MNAT1: variants seen among roughly 807,000 people sequenced by gnomAD.
MNAT1 encodes CDK-activating kinase assembly factor MAT1.
Under a neutral mutation model 42.0 loss-of-function variants are expected in MNAT1, and 43 were observed. The ratio of observed to expected loss-of-function variants is 1.02; its 90% CI spans 0.80 to 1.32. The LOEUF is 1.32. MNAT1 is among the 40% of genes most tolerant of loss of function. The pLI is 0.00. For synonymous variants in MNAT1, 118 were observed against 120.0 expected, an observed-to-expected ratio of 0.98 and a Z score of 0.11; for missense variants, 306 against 350.4, an observed-to-expected ratio of 0.87 and a Z score of 1.01.
chr14:60,966,158 ACT>A (rs1291287659), intron 7 of MNAT1, among the ~76,000 whole-genome samples: 2 of 151,372 alleles, frequency 1.3e-5, no homozygotes, highest in African/African-American at 4.9e-5. Flanking sequence ...ACAGGGTCTC[ACT>A]CTGTTGCCCA....
intron 7 of MNAT1, among the ~76,000 whole-genome samples, chr14:60,910,110 A>C (rs2035313383): frequency 1.3e-5 from 2 of 152,118 alleles, no homozygotes; most frequent in South Asian, 2.1e-4. Context: ...TTCACTCATG[A>C]TTTGGCTCTC....
At chr14:60,787,643 A>G (rs995645143) in intron 1 of MNAT1, among the ~76,000 whole-genome samples, 1 of 152,140 alleles carries the variant, frequency 6.6e-6, no homozygotes, top group Non-Finnish European at 1.5e-5. Context: ...CAATTCTCAA[A>G]CCTTGCCACA....
chr14:60,840,351 G>A (rs1034115582), intron 6 of MNAT1, among the ~76,000 whole-genome samples: 4 of 152,196 alleles, frequency 2.6e-5, no homozygotes, highest in Admixed American at 2.0e-4. Flanking sequence ...ACGAGGGTGG[G>A]TAAAAGCATC....
At chr14:60,909,242 G>T (rs1171951665) in intron 7 of MNAT1, among the ~76,000 whole-genome samples, 1 of 152,024 alleles carries the variant, frequency 6.6e-6, no homozygotes, top group Non-Finnish European at 1.5e-5. Flanking sequence ...CAGATGAGTA[G>T]GTTGCAAAAA....
At chr14:60,804,792 CAT>C (rs2139340637) in intron 3 of MNAT1, among the ~76,000 whole-genome samples, 1 of 152,258 alleles carries the variant, frequency 6.6e-6, no homozygotes, top group Non-Finnish European at 1.5e-5. Context: ...ATCCAGAACT[CAT>C]AAAGTTTTTG....
intron 7 of MNAT1, among the ~76,000 whole-genome samples, chr14:60,962,300 A>G (rs1408440833): frequency 6.6e-6 from 1 of 152,134 alleles, no homozygotes; most frequent in Middle Eastern, 3.2e-3. Context: ...AAATTTATCA[A>G]ATATCTTTTG....
At position 60,969,499 on chromosome 14, in the gene MNAT1, T is replaced by G. The variant is rs150005891; in HGVS notation, c.*1150T>G. ...TACATCTTCATCTTTATTGTACTTC[T>G]ATCTTTGTTAAATGAGAAAACCAAG... is the stretch of plus-strand genomic sequence containing the variant. On this transcript the variant is annotated 3_prime_UTR_variant, in exon 8 of 8. Transcript: ENST00000261245. 290 of 152,298 alleles carry G rather than the reference T, an allele frequency of 1.9e-3. No homozygotes were observed. The highest frequency in any genetic ancestry group is 6.8e-3 in the African/African-American group (283 of 41,574). 9.4% of individuals were successfully genotyped at this position (152,298 alleles called of 1,614,324 possible).
chr14:60,872,824 T>TCACA (rs1238803348), intron 6 of MNAT1, among the ~76,000 whole-genome samples: 39 of 145,946 alleles, frequency 2.7e-4, no homozygotes, highest in Middle Eastern at 3.2e-3. Context: ...TGGTATTACA[T>TCACA]CACACACACA....
Position 60,734,945 on chromosome 14 carries a change from ACACT to A in MNAT1, c.85_88del (p.Thr29SerfsTer6). 6.2e-7 allele frequency: 1 copy of A among 1,614,172 alleles called. No individual in the cohort carries two copies. The highest frequency in any genetic ancestry group is 8.5e-7 in the Non-Finnish European group (1 of 1,180,016). ...AAGCTGATGGTGAATGTGTGCGGAC[ACACT>A]CTGTGAGTTGGGCGGCAGTGGATTC... On this transcript the variant is annotated frameshift_variant and splice_region_variant, in exon 1 of 8. Coordinates refer to ENST00000261245, the MANE Select transcript of MNAT1 (RefSeq NM_002431.4). LOFTEE classifies it high-confidence loss of function. This position sits in a 1 kb window ranked among gnomAD's most constrained non-coding sequence, Gnocchi z 4.3.
chr14:60,921,403 C>G (rs2035657073), intron 7 of MNAT1, among the ~76,000 whole-genome samples: 1 of 151,922 alleles, frequency 6.6e-6, no homozygotes, highest in Non-Finnish European at 1.5e-5. Flanking sequence ...GAAAAATTAC[C>G]ATGTTTCTAC....
intron 5 of MNAT1, among the ~76,000 whole-genome samples, chr14:60,812,944 G>A (rs1227958898): frequency 2.6e-5 from 4 of 152,296 alleles, no homozygotes; most frequent in African/African-American, 9.6e-5. Flanking sequence ...CCCACCAAGT[G>A]TGGGTACCCA....
At chr14:60,824,084 G>T (rs1160543936) in intron 6 of MNAT1, among the ~76,000 whole-genome samples, 1 of 152,076 alleles carries the variant, frequency 6.6e-6, no homozygotes, top group Non-Finnish European at 1.5e-5. Flanking sequence ...TTGAACCAGG[G>T]CGGCAGAGGT....
At chr14:60,936,262 G>A (rs994262593) in intron 7 of MNAT1, among the ~76,000 whole-genome samples, 5 of 152,204 alleles carry the variant, frequency 3.3e-5, no homozygotes, top group East Asian at 3.9e-4. Context: ...AAGTTTTAGG[G>A]TACATGTGCA....
intron 1 of MNAT1, among the ~76,000 whole-genome samples, chr14:60,794,636 CAAAAA>C (rs71114156): frequency 5.2e-5 from 5 of 95,394 alleles, no homozygotes; most frequent in East Asian, 3.0e-4. Flanking sequence ...ACTGCATTCT[CAAAAA>C]AAAAAAAAAA....
intron 1 of MNAT1, among the ~76,000 whole-genome samples, chr14:60,771,493 G>T (rs948991846): frequency 2.0e-5 from 3 of 152,164 alleles, no homozygotes; most frequent in African/African-American, 7.2e-5. Context: ...CAGTGGCCAA[G>T]AATGAGCCTT....
At chr14:60,939,770 C>G (rs1328349076) in intron 7 of MNAT1, among the ~76,000 whole-genome samples, 3 of 152,120 alleles carry the variant, frequency 2.0e-5, no homozygotes. Flanking sequence ...GAGCTGAGTT[C>G]AGTTCCTGGA....
At chr14:60,895,539 TCTC>T (rs2034936785) in intron 7 of MNAT1, among the ~76,000 whole-genome samples, 1 of 152,258 alleles carries the variant, frequency 6.6e-6, no homozygotes, top group Admixed American at 6.5e-5. Context: ...TCTAGTGCTC[TCTC>T]CTTTCCTTTC....
At chr14:60,964,475 T>C (rs2036648395) in intron 7 of MNAT1, among the ~76,000 whole-genome samples, 1 of 152,246 alleles carries the variant, frequency 6.6e-6, no homozygotes, top group Admixed American at 6.5e-5. Context: ...TTTAAGTCTT[T>C]GAGTTTAGTC....
chr14:60,880,698 A>G (rs1288264399), intron 7 of MNAT1, among the ~76,000 whole-genome samples: 1 of 152,230 alleles, frequency 6.6e-6, no homozygotes, highest in African/African-American at 2.4e-5. Flanking sequence ...AATCTGGAAC[A>G]TGTTGCATAA....
Sources: allele counts gnomAD v4.1 joint callset (sites outside exome capture counted in the v4.1 genomes callset), GRCh38; gene constraint gnomAD v4.1.1; non-coding constraint Gnocchi (gnomAD v3.1); transcripts MANE v1.5; gene names NCBI Gene and HGNC (gene_info 2026-07-23, HGNC 2026-07-21).